Variants in DACH1 observed in about 807,000 individuals in gnomAD.
DACH1 encodes the protein dachshund family transcription factor 1, also known as dachshund homolog 1.
A neutral mutation model predicts 54.2 loss-of-function variants in DACH1; 12 were observed. The observed-to-expected ratio is 0.22, with a 90% CI of 0.14 to 0.36. DACH1 has a LOEUF of 0.36. DACH1 is among the 10% of genes least tolerant of loss of function. The pLI is 1.00. For missense variants in DACH1, 805 were observed against 929.8 expected (o/e 0.87, Z 1.75); for synonymous variants, 386 against 366.2 (o/e 1.05, Z -0.62).
intron 3 of DACH1, among the ~76,000 whole-genome samples, chr13:71,594,107 A>G (rs1303957411): frequency 6.6e-6 from 1 of 151,380 alleles, no homozygotes; most frequent in African/African-American, 2.4e-5. Flanking sequence ...AGACATAAAC[A>G]TTGAACTTAT....
chr13:71,652,186 G>A (rs189972422), intron 2 of DACH1, among the ~76,000 whole-genome samples: 375 of 152,252 alleles, frequency 2.5e-3, no homozygotes, highest in Non-Finnish European at 4.4e-3. Context: ...GGAACAGTGA[G>A]GCTGCCTCCT....
At chr13:71,495,350 G>A (rs1340139038) in intron 6 of DACH1, among the ~76,000 whole-genome samples, 2 of 151,732 alleles carry the variant, frequency 1.3e-5, no homozygotes, top group African/African-American at 4.8e-5. Flanking sequence ...CCATACAGAA[G>A]TAAACAATTA....
At position 71,548,838 on chromosome 13, in the gene DACH1, C is replaced by T. The variant is rs753529721; in HGVS notation, c.1570+8186G>A. Among the ~76,000 whole-genome samples, 110 of 152,058 alleles carry T rather than the reference C, an allele frequency of 7.2e-4. 1 individual carries two copies. The highest frequency in any genetic ancestry group is 6.2e-4 in the Non-Finnish European group (42 of 67,978). Reference sequence around the variant, plus strand: ...GGCTGAGACCCAAGGATCACTTGAACCCAGGAGGTGGAGGTTGAAGTGAAC... The same window carrying T: ...GGCTGAGACCCAAGGATCACTTGAATCCAGGAGGTGGAGGTTGAAGTGAAC... On this transcript the variant is annotated intron_variant, in intron 6 of 10. Coordinates refer to ENST00000613252, the MANE Select transcript of DACH1 (RefSeq NM_080759.6).
chr13:71,590,056 C>T lies in DACH1; in HGVS notation c.1127-17044G>A, dbSNP rs535712824. The stretch of plus-strand genomic sequence containing the variant: ...GCTAAACATAAATCTTTGAAATGTC[C>T]TCTATGGAAATCTAAAGAGGTGAAA... On this transcript the variant is annotated intron_variant, in intron 3 of 10. Transcript: ENST00000613252. Among the ~76,000 whole-genome samples, 296 of 152,070 alleles carry T rather than the reference C, an allele frequency of 1.9e-3. 1 individual carries two copies. Among genetic ancestry groups the T allele is most frequent in the African/African-American group, 6.9e-3 (288 of 41,524 alleles).
chr13:71,497,552 G>A (rs921937282), intron 6 of DACH1, among the ~76,000 whole-genome samples: 1 of 151,906 alleles, frequency 6.6e-6, no homozygotes, highest in Non-Finnish European at 1.5e-5. Context: ...TGCTGGTCTC[G>A]AACTCCCCAC....
Position 71,866,280 on chromosome 13 carries a change from A to T in DACH1, c.490T>A (p.Cys164Ser). 1 of 1,583,838 alleles carries T rather than the reference A, an allele frequency of 6.3e-7. No individual in the cohort carries two copies. Among genetic ancestry groups the T allele is most frequent in the East Asian group, 2.3e-5 (1 of 43,246 alleles). The change falls in exon 1 of 11, where the codon TGC (cysteine) becomes AGC (serine). Residue 164 changes from cysteine to serine, a missense_variant. Cys to Ser is a moderately radical substitution (Grantham distance 112). Coordinates refer to ENST00000613252, the MANE Select transcript of DACH1 (RefSeq NM_080759.6). ...ACGGGTTTCCCGGGGAGGGGGCCGC[A>T]GCTGCTGCTGCTACTGCTGCTGCTG... ...SSSSSSSSSS[C>S]GPLPGKPVYS...
intron 10 of DACH1, among the ~76,000 whole-genome samples, chr13:71,463,235 A>G (rs966625394): frequency 4.4e-4 from 67 of 152,118 alleles, no homozygotes; most frequent in African/African-American, 1.5e-3. Context: ...TAACTGATTT[A>G]TTAATTATCC....
intron 2 of DACH1, among the ~76,000 whole-genome samples, chr13:71,651,672 ATC>A (rs1878685769): frequency 9.5e-5 from 13 of 137,562 alleles, no homozygotes; most frequent in African/African-American, 3.8e-4. Context: ...CTGTATCTGT[ATC>A]TGTATCTGTA....
chr13:71,754,956 G>A (rs190223637), intron 1 of DACH1, among the ~76,000 whole-genome samples: 15 of 152,246 alleles, frequency 9.9e-5, no homozygotes, highest in Admixed American at 7.2e-4. Context: ...CAAAAAGACC[G>A]GGGCCGGGGG....
chr13:71,757,428 C>T (rs1885212712), intron 1 of DACH1, among the ~76,000 whole-genome samples: 1 of 151,824 alleles, frequency 6.6e-6, no homozygotes, highest in Non-Finnish European at 1.5e-5. Flanking sequence ...CACTTAACCT[C>T]TGTAGGGACC....
At chr13:71,505,950 C>T (rs1447041669) in intron 6 of DACH1, among the ~76,000 whole-genome samples, 2 of 152,032 alleles carry the variant, frequency 1.3e-5, no homozygotes, top group Non-Finnish European at 2.9e-5. Context: ...GAAAGCATTT[C>T]ACATTTGAAT....
intron 1 of DACH1, among the ~76,000 whole-genome samples, chr13:71,702,108 T>G (rs1882166966): frequency 6.6e-6 from 1 of 152,194 alleles, no homozygotes; most frequent in Non-Finnish European, 1.5e-5. Flanking sequence ...TTCTAACTTT[T>G]AGTTTTAAAA....
intron 6 of DACH1, among the ~76,000 whole-genome samples, chr13:71,516,105 T>C (rs945655806): frequency 2.0e-5 from 3 of 151,886 alleles, no homozygotes; most frequent in Non-Finnish European, 4.4e-5. Flanking sequence ...GGCAGTTCCA[T>C]TCCATTCCAG....
At chr13:71,859,762 AAACT>A (rs1356448312) in intron 1 of DACH1, among the ~76,000 whole-genome samples, 6 of 151,936 alleles carry the variant, frequency 3.9e-5, no homozygotes, top group Non-Finnish European at 8.8e-5. Flanking sequence ...ATAATTTGGT[AAACT>A]AACTATACTA....
At chr13:71,864,215 A>ACACACACACACAC (rs1555330494) in intron 1 of DACH1, among the ~76,000 whole-genome samples, 1 of 67,472 alleles carries the variant, frequency 1.5e-5, no homozygotes, top group African/African-American at 9.9e-5. Flanking sequence ...ACACACACAC[A>ACACACACACACAC]ACATTTACCC....
chr13:71,830,272 C>A (rs543602657), intron 1 of DACH1, among the ~76,000 whole-genome samples: 1 of 151,756 alleles, frequency 6.6e-6, no homozygotes, highest in African/African-American at 2.4e-5. Context: ...ATCAAGTTAG[C>A]GTAAATTAGA....
At chr13:71,806,188 T>C (rs1479451527) in intron 1 of DACH1, among the ~76,000 whole-genome samples, 2 of 152,188 alleles carry the variant, frequency 1.3e-5, no homozygotes, top group Non-Finnish European at 2.9e-5. Context: ...TAAAGAGATA[T>C]ATTCTTCAAA....
chr13:71,768,534 CAAAT>C (rs555184275), intron 1 of DACH1, among the ~76,000 whole-genome samples: 14 of 151,904 alleles, frequency 9.2e-5, no homozygotes, highest in Non-Finnish European at 1.5e-4. Context: ...TATTTGCTCT[CAAAT>C]AAATAAGATG....
At chr13:71,651,119 G>A (rs1878633925) in intron 2 of DACH1, among the ~76,000 whole-genome samples, 1 of 152,090 alleles carries the variant, frequency 6.6e-6, no homozygotes, top group South Asian at 2.1e-4. Flanking sequence ...AATTGCTATA[G>A]CACAGAAGAA....
Sources: gnomAD v4.1 joint callset for allele counts (sites outside exome capture counted in the v4.1 genomes callset) on GRCh38, gnomAD v4.1.1 for gene constraint, MANE v1.5 for transcripts, NCBI Gene and HGNC (gene_info 2026-07-23, HGNC 2026-07-21) for gene names.